The following RNF17 variants were observed in gnomAD, a reference collection of about 807,000 sequenced individuals.
RNF17 encodes the protein spermatogenesis associated 23.
In RNF17, 31 loss-of-function variants were observed where a neutral mutation model predicts 200.5. The observed-to-expected ratio is 0.15, with a 90% confidence interval of 0.12 to 0.21. The LOEUF (loss-of-function observed/expected upper bound fraction) is 0.21, where lower values mean the gene tolerates loss of function less well. RNF17 is among the 10% of genes least tolerant of loss of function. The pLI is 1.00. For synonymous variants in RNF17, 606 were observed against 637.8 expected, an observed-to-expected ratio of 0.95 and a Z score of 0.75; for missense variants, 1,628 against 1,905.1, an observed-to-expected ratio of 0.85 and a Z score of 2.71.
At chr13:24,763,742 A>G (rs540943688), upstream of RNF17, among the ~76,000 whole-genome samples, 1 of 152,112 alleles carries the variant, frequency 6.6e-6, no homozygotes, top group South Asian at 2.1e-4. Context: ...CGTTCACTGA[A>G]TCTACCCCAA....
Position 24,795,424 on chromosome 13 carries a change from C to CTT in RNF17, c.1241-699_1241-698dup, listed in dbSNP as rs60986805. On this transcript the variant is annotated intron_variant, in intron 10 of 35. Transcript: ENST00000255324. Reference sequence around the variant, plus strand: ...CTCTATGTGTGTGTGGCGGGGGTGTCTTTTTTTTTTTTTTTACACAAAACG... The same window carrying CTT: ...CTCTATGTGTGTGTGGCGGGGGTGTCTTTTTTTTTTTTTTTTTACACAAAACG... Among the ~76,000 whole-genome samples, 667 of 137,550 alleles carry CTT rather than the reference C, an allele frequency of 4.8e-3. 3 individuals carry two copies. The highest frequency in any genetic ancestry group is 7.1e-3 in the Non-Finnish European group (450 of 63,090). 90.2% of individuals were successfully genotyped at this position (137,550 alleles called of 152,430 possible).
intron 24 of RNF17, among the ~76,000 whole-genome samples, chr13:24,852,651 G>T (rs1318301847): frequency 6.6e-6 from 1 of 152,196 alleles, no homozygotes; most frequent in Non-Finnish European, 1.5e-5. Context: ...AGATATGGGA[G>T]ATGTGGCCTG....
intron 10 of RNF17, 79 bp downstream of exon 10, chr13:24,793,425 A>T: frequency 7.7e-7 from 1 of 1,291,366 alleles, no homozygotes. Flanking sequence ...TCGTCCATGC[A>T]TTTAACAGAA....
upstream of RNF17, among the ~76,000 whole-genome samples, chr13:24,760,916 T>G (rs575726851): frequency 6.6e-6 from 1 of 151,554 alleles, no homozygotes; most frequent in East Asian, 1.9e-4. Flanking sequence ...AAAACCACAA[T>G]GAGAAATTAC....
chr13:24,852,884 G>A (rs1892091954), intron 24 of RNF17, among the ~76,000 whole-genome samples: 1 of 151,820 alleles, frequency 6.6e-6, no homozygotes, highest in African/African-American at 2.4e-5. Context: ...GAATTATGTG[G>A]CTTTTTCATA....
Position 24,859,151 on chromosome 13 carries a change from G to A in RNF17, c.3761G>A (p.Gly1254Asp). Residue 1254 changes from glycine (G) to aspartate (D), a missense_variant, in exon 26 of 36, where the codon GGT becomes GAT. This residue lies in a region of RNF17 where 609 missense variants were observed against 681.9 expected (regional missense o/e 0.89). Coordinates refer to ENST00000255324, the MANE Select transcript of RNF17 (RefSeq NM_031277.3). ...WYRGKVMEVV[G>D]GAVRVQYLDH... ...CGTGGCAAGGTGATGGAGGTTGTAG[G>A]TGGCGCTGTCAGAGTGAGTCTGATA... The A allele has an allele frequency of 1.9e-6, 3 of 1,599,444 alleles. No homozygotes were observed. Among genetic ancestry groups the A allele is most frequent in the Non-Finnish European group, 1.7e-6 (2 of 1,171,472 alleles).
chr13:24,758,693 G>A, the RNF17 span, among the ~76,000 whole-genome samples: 1 of 152,040 alleles, frequency 6.6e-6, no homozygotes, highest in Non-Finnish European at 1.5e-5. Flanking sequence ...AAGAAGAAAA[G>A]GTTGATTTTT....
intron 18 of RNF17, among the ~76,000 whole-genome samples, chr13:24,833,822 C>T (rs17081254): frequency 0.06 from 9,185 of 152,244 alleles, 408 homozygotes; most frequent in East Asian, 0.16. Flanking sequence ...AGGAACCTGC[C>T]ATTAATACGT....
chr13:24,780,437 C>A (rs1882191240), intron 5 of RNF17, among the ~76,000 whole-genome samples: 1 of 152,174 alleles, frequency 6.6e-6, no homozygotes, highest in Non-Finnish European at 1.5e-5. Flanking sequence ...ACTTCAGTAT[C>A]TGAATTTGGG....
intron 2 of RNF17, among the ~76,000 whole-genome samples, chr13:24,773,453 CAG>C (rs1881079715): frequency 6.6e-6 from 1 of 152,156 alleles, no homozygotes; most frequent in African/African-American, 2.4e-5. Flanking sequence ...AATGCAGAAA[CAG>C]AAAACCAAGT....
intron 25 of RNF17, among the ~76,000 whole-genome samples, chr13:24,857,947 A>C (rs899233786): frequency 6.6e-6 from 1 of 152,216 alleles, no homozygotes; most frequent in African/African-American, 2.4e-5. Context: ...GAGAATGAGA[A>C]AAGAAATCAC....
chr13:24,799,330 T>G, intron 11 of RNF17, 65 bp from the exon 12 acceptor site: 1 of 1,261,234 alleles, frequency 7.9e-7, no homozygotes. Flanking sequence ...CTAACGTGTC[T>G]GTAAACTTAT....
intron 22 of RNF17, among the ~76,000 whole-genome samples, chr13:24,849,578 C>T (rs1891631942): frequency 6.6e-6 from 1 of 152,232 alleles, no homozygotes; most frequent in South Asian, 2.1e-4. Flanking sequence ...AGTTTCAACT[C>T]TGCAAACTAA....
At chr13:24,884,257 C>A (rs527997591), downstream of RNF17, 144 of 1,614,020 alleles carry the variant, frequency 8.9e-5, no homozygotes, top group South Asian at 1.5e-3. Context: ...TGTAAAGACA[C>A]ACAGTCAGTC....
chr13:24,784,374 A>G (rs1882818207), intron 6 of RNF17, among the ~76,000 whole-genome samples: 1 of 152,142 alleles, frequency 6.6e-6, no homozygotes, highest in African/African-American at 2.4e-5. Context: ...GAGTTAGGGA[A>G]CGTTTCTGCC....
intron 3 of RNF17, among the ~76,000 whole-genome samples, chr13:24,775,715 CTT>C (rs1881469168): frequency 6.6e-6 from 1 of 152,222 alleles, no homozygotes; most frequent in South Asian, 2.1e-4. Flanking sequence ...AATAGATTCT[CTT>C]TTTGAATTAG....
intron 6 of RNF17, among the ~76,000 whole-genome samples, chr13:24,785,882 A>G: frequency 6.6e-6 from 1 of 152,024 alleles, no homozygotes; most frequent in African/African-American, 2.4e-5. Context: ...ATCTTTTTCC[A>G]TCCTTTCATT....
chr13:24,886,461 A>G, the RNF17 span: 5 of 713,704 alleles, frequency 7.0e-6, no homozygotes, highest in African/African-American at 7.3e-5. Flanking sequence ...CACATCAGCA[A>G]TTTCATATGA....
At chr13:24,883,330 T>TC (rs1382845651), downstream of RNF17, 1 of 1,613,808 alleles carries the variant, frequency 6.2e-7, no homozygotes. Context: ...TATGTAGTTC[T>TC]CTTTGGCCAT....
Sources: allele counts gnomAD v4.1 joint callset (sites outside exome capture counted in the v4.1 genomes callset), GRCh38; gene constraint gnomAD v4.1.1; regional missense constraint gnomAD v4.1.1; transcripts MANE v1.5; gene names NCBI Gene and HGNC (gene_info 2026-07-23, HGNC 2026-07-21).